LRRC1: variants seen among roughly 807,000 people sequenced by gnomAD.
The protein encoded by LRRC1 is leucine-rich repeat-containing protein 1.
A neutral mutation model predicts 69.9 loss-of-function variants in LRRC1; 28 were observed. The observed-to-expected ratio is 0.40, with a 90% CI of 0.30 to 0.55. LRRC1 has a LOEUF of 0.55. LRRC1 is among the 20% of genes least tolerant of loss of function. The pLI is 0.47. For synonymous variants in LRRC1, 236 were observed against 240.2 expected (o/e 0.98, Z 0.16); for missense variants, 498 against 609.0 (o/e 0.82, Z 1.92).
chr6:53,846,973 A>G (rs1207470622), intron 2 of LRRC1, among the ~76,000 whole-genome samples: 6 of 152,336 alleles, frequency 3.9e-5, no homozygotes, highest in East Asian at 3.9e-4. Flanking sequence ...TTTATAATCT[A>G]TGCTGTAATT....
intron 2 of LRRC1, among the ~76,000 whole-genome samples, chr6:53,843,689 C>T (rs911199521): frequency 2.0e-4 from 30 of 152,138 alleles, no homozygotes; most frequent in Middle Eastern, 3.4e-3. Context: ...TTAACATGCA[C>T]CAAAAGCAGT....
At chr6:53,845,829 C>A (rs1765925899) in intron 2 of LRRC1, among the ~76,000 whole-genome samples, 1 of 152,236 alleles carries the variant, frequency 6.6e-6, no homozygotes, top group Admixed American at 6.5e-5. Flanking sequence ...TGGTCCCCAG[C>A]CACACCAAGG....
rs373805325 is a variant in LRRC1 at position 53,861,393 on chromosome 6, T to C, written c.278-17600T>C. On this transcript the variant is annotated intron_variant, in intron 2 of 13. Transcript: ENST00000370888. ...GAACCACTAAAGTTAAATCCCTCAGTGTTTTTTAGAGGTTGCCATTAGACC... is the reference window on the plus strand; with the variant it reads ...GAACCACTAAAGTTAAATCCCTCAGCGTTTTTTAGAGGTTGCCATTAGACC... Among the ~76,000 whole-genome samples the C allele has an allele frequency of 9.3e-5, 14 of 151,338 alleles. No homozygotes were observed. The East Asian group carries it at 2.3e-3, about 25-fold the overall frequency.
intron 1 of LRRC1, among the ~76,000 whole-genome samples, chr6:53,837,681 A>G (rs1432400822): frequency 6.6e-6 from 1 of 152,182 alleles, no homozygotes; most frequent in Admixed American, 6.5e-5. Flanking sequence ...CCTTGGCCAT[A>G]TAATAATAAA....
chr6:53,924,068 G>A lies in LRRC1; in HGVS notation c.*1275G>A, dbSNP rs776394399. 1.3e-5 allele frequency: 2 copies of A among 152,632 alleles called. No individual in the cohort carries two copies. The highest frequency in any genetic ancestry group is 2.9e-5 in the Non-Finnish European group (2 of 68,034). The allele number at this position is 152,632 out of a possible 1,614,324, so 9.5% of individuals were successfully genotyped here. A position where few individuals can be genotyped will look rare whatever the true frequency, so the allele number is the denominator to read the frequency against. ...AGTGCCAGTCACTGTGTGGTGTCTAGGAAAATCATATATATTTTTTTCTCC... is the reference window on the plus strand; with the variant it reads ...AGTGCCAGTCACTGTGTGGTGTCTAAGAAAATCATATATATTTTTTTCTCC... On this transcript the variant is annotated 3_prime_UTR_variant, in exon 14 of 14. Coordinates refer to ENST00000370888, the MANE Select transcript of LRRC1 (RefSeq NM_018214.5).
rs1312368343 is a variant in LRRC1 at position 53,822,700 on chromosome 6, C to G, written c.160-19410C>G. ...TGTCACTGGCAAAGAATTGAAATCT[C>G]ACTGACTGTAACTAAATTCTCTCTC... On this transcript the variant is annotated intron_variant, in intron 1 of 13. Coordinates refer to ENST00000370888, the MANE Select transcript of LRRC1 (RefSeq NM_018214.5). Among the ~76,000 whole-genome samples, 3 of 152,214 alleles carry G rather than the reference C, an allele frequency of 2.0e-5. No homozygotes were observed. In the East Asian group the frequency reaches 5.8e-4, roughly 29 times the overall value.
intron 2 of LRRC1, among the ~76,000 whole-genome samples, chr6:53,848,275 C>G (rs1766012259): frequency 6.6e-6 from 1 of 152,190 alleles, no homozygotes. Flanking sequence ...TTTACCTTCT[C>G]TTTTGTTAGG....
At chr6:53,812,683 C>T (rs1221164711) in intron 1 of LRRC1, among the ~76,000 whole-genome samples, 4 of 109,936 alleles carry the variant, frequency 3.6e-5, no homozygotes, top group Non-Finnish European at 7.5e-5. Context: ...GTGCAAGACT[C>T]CGTCTCAAAA....
chr6:53,857,853 G>A (rs114440604), intron 2 of LRRC1, among the ~76,000 whole-genome samples: 4,473 of 152,308 alleles, frequency 0.029, 93 homozygotes, highest in Middle Eastern at 0.14. Context: ...AAACAGCAGC[G>A]ATCACTGTTT....
intron 2 of LRRC1, among the ~76,000 whole-genome samples, chr6:53,847,754 A>G (rs148787460): frequency 7.0e-4 from 106 of 152,360 alleles, no homozygotes; most frequent in Middle Eastern, 3.4e-3. Context: ...CATAAGATCT[A>G]AAACCAATCT....
At position 53,913,984 on chromosome 6, in the gene LRRC1, G is replaced by A; in HGVS notation, c.1106+15G>A. The A allele has an allele frequency of 6.3e-7, 1 of 1,581,856 alleles. No individual in the cohort carries two copies. Reference sequence around the variant, plus strand: ...GCAGGGAACAGGTAAGCCTGTTGTAGTTTGCTTTGCTTGAGGGAAACAAAT... The same window carrying A: ...GCAGGGAACAGGTAAGCCTGTTGTAATTTGCTTTGCTTGAGGGAAACAAAT... On this transcript the variant is annotated intron_variant, in intron 11 of 13. Coordinates refer to ENST00000370888, the MANE Select transcript of LRRC1 (RefSeq NM_018214.5).
intron 2 of LRRC1, among the ~76,000 whole-genome samples, chr6:53,865,088 A>T (rs1240048552): frequency 6.6e-6 from 1 of 152,142 alleles, no homozygotes; most frequent in African/African-American, 2.4e-5. Flanking sequence ...TTTTCTTAGC[A>T]GGAGTTGATG....
chr6:53,920,472 T>C, intron 12 of LRRC1, 153 bp from the exon 13 acceptor site: 1 of 699,442 alleles, frequency 1.4e-6, no homozygotes, highest in Non-Finnish European at 2.3e-6. Context: ...TGTTTGTGTT[T>C]TAAAGCCAAA....
intron 2 of LRRC1, among the ~76,000 whole-genome samples, chr6:53,869,123 G>C (rs561302454): frequency 2.0e-5 from 3 of 152,198 alleles, no homozygotes; most frequent in Non-Finnish European, 2.9e-5. Flanking sequence ...GTTCGGATTT[G>C]ATGGAGGACA....
At chr6:53,863,337 T>C (rs986872660) in intron 2 of LRRC1, among the ~76,000 whole-genome samples, 1 of 152,196 alleles carries the variant, frequency 6.6e-6, no homozygotes, top group Non-Finnish European at 1.5e-5. Flanking sequence ...CCTCATTTCC[T>C]TCTTAGGATC....
chr6:53,878,115 T>C (rs965501586), intron 2 of LRRC1, among the ~76,000 whole-genome samples: 1 of 152,116 alleles, frequency 6.6e-6, no homozygotes, highest in Non-Finnish European at 1.5e-5. Context: ...CCCCTTATAA[T>C]AACCATCAGG....
At chr6:53,866,614 G>T (rs993589361) in intron 2 of LRRC1, among the ~76,000 whole-genome samples, 1 of 152,094 alleles carries the variant, frequency 6.6e-6, no homozygotes, top group African/African-American at 2.4e-5. Context: ...ATTTGGGGGG[G>T]ATTCATGGAA....
chr6:53,898,911 T>G (rs1484615709), intron 7 of LRRC1, among the ~76,000 whole-genome samples: 1 of 152,130 alleles, frequency 6.6e-6, no homozygotes, highest in Non-Finnish European at 1.5e-5. Context: ...GAAAAGAAGG[T>G]GGTCCAATTA....
At chr6:53,817,287 A>G (rs1465036463) in intron 1 of LRRC1, among the ~76,000 whole-genome samples, 2 of 152,010 alleles carry the variant, frequency 1.3e-5, no homozygotes, top group Non-Finnish European at 2.9e-5. Flanking sequence ...GACTGTCTTC[A>G]TTTTTTTCTT....
Sources: allele counts gnomAD v4.1 joint callset (sites outside exome capture counted in the v4.1 genomes callset), GRCh38; gene constraint gnomAD v4.1.1; transcripts MANE v1.5; gene names NCBI Gene and HGNC (gene_info 2026-07-23, HGNC 2026-07-21).